Variants in THSD4 observed in about 807,000 individuals in gnomAD.
THSD4 encodes the protein thrombospondin type 1 domain containing 4, also known as thrombospondin type-1 domain-containing protein 4.
Under a neutral mutation model 119.0 loss-of-function variants are expected in THSD4, and 69 were observed. That is an observed-to-expected ratio of 0.58 (90% CI 0.48 to 0.71). The LOEUF is 0.71. THSD4 is among the 30% of genes least tolerant of loss of function. The pLI, the probability that THSD4 is intolerant of heterozygous loss-of-function variation, is 0.00. For missense variants in THSD4, 1,393 were observed against 1,391.1 expected (o/e 1.00, Z -0.02); for synonymous variants, 524 against 540.4 (o/e 0.97, Z 0.42).
At chr15:71,378,292 G>A (rs965566943) in intron 6 of THSD4, among the ~76,000 whole-genome samples, 4 of 152,186 alleles carry the variant, frequency 2.6e-5, no homozygotes, top group African/African-American at 9.7e-5. Context: ...AGAAAGGGAT[G>A]CCTTCACTAT....
intron 6 of THSD4, among the ~76,000 whole-genome samples, chr15:71,295,468 C>T (rs976932004): frequency 6.6e-6 from 1 of 152,106 alleles, no homozygotes; most frequent in Non-Finnish European, 1.5e-5. Context: ...TGGCAGTCCC[C>T]TTTGGTTAAT....
At chr15:71,351,929 G>C (rs111772165) in intron 6 of THSD4, among the ~76,000 whole-genome samples, 1,632 of 152,260 alleles carry the variant, frequency 0.011, 28 homozygotes, top group African/African-American at 0.038. Context: ...ACTACCTTCT[G>C]TCATTTGGCT....
At position 71,144,882 on chromosome 15, in the gene THSD4, A is replaced by G. The variant is rs188509407; in HGVS notation, c.29+3326A>G. ...GTAAAATTCAGGGCAATGAAAGTCC[A>G]TGTGGACCAAAGTGTAGGCTAATCC... On this transcript the variant is annotated intron_variant, in intron 2 of 17. Coordinates refer to ENST00000261862, the MANE Select transcript of THSD4 (RefSeq NM_024817.3). 9.2e-5 allele frequency among the ~76,000 whole-genome samples: 14 copies of G among 152,354 alleles called. No individual in the cohort carries two copies. The East Asian group carries it at 2.3e-3, about 25-fold the overall frequency.
chr15:71,333,052 C>A (rs1400547186), intron 6 of THSD4, among the ~76,000 whole-genome samples: 1 of 151,682 alleles, frequency 6.6e-6, no homozygotes, highest in Non-Finnish European at 1.5e-5. Flanking sequence ...TTTGGGTATT[C>A]CCCCCTTTTA....
intron 7 of THSD4, among the ~76,000 whole-genome samples, chr15:71,441,418 T>TTTTTTTTG (rs2047087398): frequency 1.7e-4 from 10 of 59,156 alleles, no homozygotes; most frequent in Non-Finnish European, 2.8e-4. Flanking sequence ...TTTTTTTTTT[T>TTTTTTTTG]GAGATGGAGT....
At chr15:71,467,648 TG>T (rs1216589508) in intron 7 of THSD4, among the ~76,000 whole-genome samples, 1 of 152,130 alleles carries the variant, frequency 6.6e-6, no homozygotes, top group African/African-American at 2.4e-5. Flanking sequence ...CTGGGTGTGA[TG>T]ACTTGCTTCA....
intron 6 of THSD4, among the ~76,000 whole-genome samples, chr15:71,347,929 A>C (rs903577395): frequency 7.9e-5 from 12 of 152,104 alleles, no homozygotes; most frequent in African/African-American, 2.9e-4. Flanking sequence ...CTCCATACCC[A>C]CATAATAACA....
In THSD4 at chr15:71,733,665, A is replaced by T. The variant is rs560143965; in HGVS notation, c.1630+2448A>T. The T allele has an allele frequency of 5.1e-4, 78 of 152,150 alleles. 1 individual carries two copies. The highest frequency in any genetic ancestry group is 2.4e-3 in the Admixed American group (36 of 15,288). 9.4% of individuals were successfully genotyped at this position (152,150 alleles called of 1,614,324 possible). A position where few individuals can be genotyped will look rare whatever the true frequency, so the allele number is the denominator to read the frequency against. ...TCTGGTGCAGTGGATCACGCCTGTG[A>T]TCCCAGCACGTTTGGAAGCCGAGGT... On this transcript the variant is annotated intron_variant, in intron 10 of 17. Transcript: ENST00000261862.
chr15:71,380,527 G>A (rs2046215100), intron 6 of THSD4, among the ~76,000 whole-genome samples: 1 of 152,088 alleles, frequency 6.6e-6, no homozygotes, highest in South Asian at 2.1e-4. Flanking sequence ...ACTATCAAGA[G>A]AATAGTATCA....
At chr15:71,618,891 T>C (rs1418253098) in intron 7 of THSD4, among the ~76,000 whole-genome samples, 1 of 152,046 alleles carries the variant, frequency 6.6e-6, no homozygotes, top group Non-Finnish European at 1.5e-5. Context: ...TCAACATTAT[T>C]AATAATGTTT....
In THSD4 at chr15:71,194,564, G is replaced by A. The variant is rs370792162; in HGVS notation, c.100-20471G>A. Among the ~76,000 whole-genome samples, 113 of 152,280 alleles carry A rather than the reference G, an allele frequency of 7.4e-4. 1 individual carries two copies. In the South Asian group the frequency reaches 0.014, roughly 19 times the overall value. Reference sequence around the variant, plus strand: ...TGTGGCCTGTTGCCCTCCTGGGCCCGGTTCCTACGTGTCACTCATTCTCTT... The same window carrying A: ...TGTGGCCTGTTGCCCTCCTGGGCCCAGTTCCTACGTGTCACTCATTCTCTT... On this transcript the variant is annotated intron_variant, in intron 3 of 17. Transcript: ENST00000261862.
chr15:71,744,822 G>A (rs962222626), intron 11 of THSD4, among the ~76,000 whole-genome samples: 4 of 152,258 alleles, frequency 2.6e-5, no homozygotes, highest in African/African-American at 9.6e-5. Flanking sequence ...AAGATGCTTT[G>A]TATCTGCCTT....
chr15:71,483,578 A>T (rs111440345), intron 7 of THSD4, among the ~76,000 whole-genome samples: 6,702 of 151,922 alleles, frequency 0.044, 410 homozygotes, highest in African/African-American at 0.13. Context: ...TTTATTATTT[A>T]TTATTTTATT....
rs77666175 is a variant in THSD4 at position 71,695,099 on chromosome 15, G to A, written c.1358-33450G>A. Among the ~76,000 whole-genome samples, 944 of 152,288 alleles carry A rather than the reference G, an allele frequency of 6.2e-3. 11 individuals are homozygous for A. The highest frequency in any genetic ancestry group is 0.021 in the African/African-American group (855 of 41,552). On this transcript the variant is annotated intron_variant, in intron 8 of 17. Transcript: ENST00000261862. The stretch of plus-strand genomic sequence containing the variant: ...TATAGCTTAATGAGCTATTACAAGG[G>A]GAAGAACTAGAACTCTGCTAGTCCC...
intron 6 of THSD4, among the ~76,000 whole-genome samples, chr15:71,275,470 G>A (rs2140308147): frequency 6.6e-6 from 1 of 152,282 alleles, no homozygotes; most frequent in East Asian, 1.9e-4. Context: ...CATGGACCTT[G>A]AGATATTAGT....
chr15:71,385,302 G>A (rs1566964231), intron 6 of THSD4, among the ~76,000 whole-genome samples: 1 of 152,198 alleles, frequency 6.6e-6, no homozygotes, highest in Non-Finnish European at 1.5e-5. Flanking sequence ...GGGCTCCATG[G>A]ATACCTCACC....
At chr15:71,277,307 G>A (rs1668465410) in intron 6 of THSD4, among the ~76,000 whole-genome samples, 1 of 152,068 alleles carries the variant, frequency 6.6e-6, no homozygotes, top group African/African-American at 2.4e-5. Context: ...TGTATTTGTA[G>A]TAGAGACAGG....
intron 16 of THSD4, among the ~76,000 whole-genome samples, chr15:71,766,295 C>T (rs186245214): frequency 6.6e-6 from 1 of 152,130 alleles, no homozygotes; most frequent in African/African-American, 2.4e-5. Context: ...AGGGCCCCAT[C>T]CCAGGTGACC....
chr15:71,588,640 C>T (rs1165805729), intron 7 of THSD4, among the ~76,000 whole-genome samples: 1 of 152,014 alleles, frequency 6.6e-6, no homozygotes, highest in Non-Finnish European at 1.5e-5. Context: ...CACCACGTTA[C>T]CCAGGCTGGT....
Sources: allele counts gnomAD v4.1 joint callset (sites outside exome capture counted in the v4.1 genomes callset), GRCh38; gene constraint gnomAD v4.1.1; transcripts MANE v1.5; gene names NCBI Gene and HGNC (gene_info 2026-07-23, HGNC 2026-07-21).